BAZ1B: variants seen among roughly 807,000 people sequenced by gnomAD.
BAZ1B encodes the protein tyrosine-protein kinase BAZ1B.
Under a neutral mutation model 153.8 loss-of-function variants are expected in BAZ1B, and 22 were observed. That is an observed-to-expected ratio of 0.14 (90% CI 0.10 to 0.20). The LOEUF (loss-of-function observed/expected upper bound fraction) is 0.20, where lower values mean the gene tolerates loss of function less well. Among genes scored for constraint, BAZ1B ranks in the 10% least tolerant of loss-of-function variants. The pLI is 1.00. For missense variants in BAZ1B, 1,325 were observed against 1,799.3 expected, an observed-to-expected ratio of 0.74 and a Z score of 4.77; for synonymous variants, 676 against 633.4, an observed-to-expected ratio of 1.07 and a Z score of -1.01.
At chr7:73,509,240 T>TG (rs1790476762) in intron 2 of BAZ1B, among the ~76,000 whole-genome samples, 1 of 151,788 alleles carries the variant, frequency 6.6e-6, no homozygotes, top group Admixed American at 6.6e-5. Flanking sequence ...GAGAATCACT[T>TG]GAACACGGGA....
intron 1 of BAZ1B, among the ~76,000 whole-genome samples, chr7:73,512,026 CTCAAAAAAA>C (rs1554578656): frequency 3.6e-5 from 3 of 82,624 alleles, no homozygotes; most frequent in Non-Finnish European, 6.5e-5. Flanking sequence ...GAAACTCCAC[CTCAAAAAAA>C]AAAAAAAAAA....
intron 9 of BAZ1B, among the ~76,000 whole-genome samples, chr7:73,467,204 T>G (rs1410748651): frequency 1.3e-5 from 2 of 151,958 alleles, no homozygotes. Flanking sequence ...AGTGCTGGGA[T>G]TACAGGTGTG....
At chr7:73,485,200 T>C (rs1583922638) in intron 6 of BAZ1B, among the ~76,000 whole-genome samples, 1 of 152,136 alleles carries the variant, frequency 6.6e-6, no homozygotes, top group African/African-American at 2.4e-5. Context: ...TCCCAAAGTG[T>C]AGAATTACAC....
intron 5 of BAZ1B, among the ~76,000 whole-genome samples, chr7:73,489,806 G>A (rs138219507): frequency 7.2e-4 from 109 of 152,218 alleles, no homozygotes; most frequent in Non-Finnish European, 1.2e-3. Context: ...GACAGAAAAC[G>A]GAGAATAATT....
At chr7:73,458,930 T>C (rs1788294012) in intron 13 of BAZ1B, among the ~76,000 whole-genome samples, 1 of 152,014 alleles carries the variant, frequency 6.6e-6, no homozygotes, top group African/African-American at 2.4e-5. Context: ...TGTTTAAAAG[T>C]CACCACCACC....
intron 7 of BAZ1B, among the ~76,000 whole-genome samples, chr7:73,473,079 T>C (rs1164912099): frequency 1.3e-5 from 2 of 152,100 alleles, no homozygotes; most frequent in African/African-American, 2.4e-5. Context: ...GTAGCTGGGA[T>C]TACAGGCATG....
chr7:73,492,703 T>C, intron 5 of BAZ1B, 97 bp downstream of exon 5: 1 of 1,270,238 alleles, frequency 7.9e-7, no homozygotes, highest in Non-Finnish European at 1.1e-6. Context: ...TACATTCATT[T>C]ACATTTTTCT....
Position 73,462,413 on chromosome 7 carries a change from G to A in BAZ1B, c.3249+509C>T, listed in dbSNP as rs868960607. 7.6e-5 allele frequency: 12 copies of A among 158,876 alleles called. 1 individual carries two copies. In the Middle Eastern group the frequency reaches 0.01, roughly 134 times the overall value. The allele number at this position is 158,876 out of a possible 1,614,324, so 9.8% of individuals were successfully genotyped here. ...TTTGATACCTAAACCTACCTGTTACGGGGTATGGGATCTTTTGAAAAGTTT... is the reference window on the plus strand; with the variant it reads ...TTTGATACCTAAACCTACCTGTTACAGGGTATGGGATCTTTTGAAAAGTTT... On this transcript the variant is annotated intron_variant, in intron 12 of 19. Coordinates refer to ENST00000339594, the MANE Select transcript of BAZ1B (RefSeq NM_032408.4).
At chr7:73,519,570 T>A (rs1372659860) in intron 1 of BAZ1B, among the ~76,000 whole-genome samples, 3 of 152,252 alleles carry the variant, frequency 2.0e-5, no homozygotes, top group East Asian at 3.8e-4. Context: ...ATTAAATACA[T>A]ACCACTTAAA....
intron 13 of BAZ1B, among the ~76,000 whole-genome samples, chr7:73,455,164 C>T (rs548111503): frequency 1.3e-5 from 2 of 152,098 alleles, no homozygotes; most frequent in South Asian, 2.1e-4. Context: ...GGATTACAGG[C>T]GTGAGCCACC....
rs1554580290 is a variant in BAZ1B at position 73,521,871 on chromosome 7, C to T, written c.63G>A (p.Pro21=). The T allele has an allele frequency of 6.6e-7, 1 of 1,507,380 alleles. No homozygotes were observed. Among genetic ancestry groups the T allele is most frequent in the Non-Finnish European group, 8.9e-7 (1 of 1,124,132 alleles). The allele number at this position is 1,507,380 out of a possible 1,614,324, so 93.4% of individuals were successfully genotyped here. A position where few individuals can be genotyped will look rare whatever the true frequency, so the allele number is the denominator to read the frequency against. ...CCTGAGTGTGCGGGATGGTGAAGAG[C>T]GGCTCCTCTCCGGGCAACGGCTTCA... ...PLVKPLPGEE[P]LFTIPHTQEA... The change falls in exon 1 of 20, where the codon CCG becomes CCA. Residue 21 remains proline (P), a synonymous_variant. Coordinates refer to ENST00000339594, the MANE Select transcript of BAZ1B (RefSeq NM_032408.4).
intron 16 of BAZ1B, among the ~76,000 whole-genome samples, chr7:73,446,287 T>C (rs1787832462): frequency 6.6e-6 from 1 of 152,044 alleles, no homozygotes; most frequent in African/African-American, 2.4e-5. Flanking sequence ...TACGAACCTG[T>C]AAAGAAAAGT....
At chr7:73,496,831 G>A (rs559993578) in intron 4 of BAZ1B, among the ~76,000 whole-genome samples, 5 of 151,888 alleles carry the variant, frequency 3.3e-5, no homozygotes, top group East Asian at 1.9e-4. Context: ...TCCTCCTCTC[G>A]CAGTCAAAAA....
chr7:73,516,172 C>CT (rs1292408596), intron 1 of BAZ1B, among the ~76,000 whole-genome samples: 1 of 142,558 alleles, frequency 7.0e-6, no homozygotes, highest in African/African-American at 2.4e-5. Flanking sequence ...ATGTGGTTTT[C>CT]TTTTTTATTA....
chr7:73,475,434 C>T (rs538252126), intron 7 of BAZ1B, among the ~76,000 whole-genome samples: 1 of 152,262 alleles, frequency 6.6e-6, no homozygotes, highest in South Asian at 2.1e-4. Flanking sequence ...CATGGATGAA[C>T]CTGGAGAACA....
chr7:73,445,066 T>C (rs1167107900), intron 16 of BAZ1B, among the ~76,000 whole-genome samples: 2 of 151,992 alleles, frequency 1.3e-5, no homozygotes, highest in Non-Finnish European at 2.9e-5. Flanking sequence ...CTGAGACTAC[T>C]TGTGTCTCAG....
intron 3 of BAZ1B, among the ~76,000 whole-genome samples, chr7:73,505,802 TG>T (rs1432118592): frequency 6.6e-6 from 1 of 152,194 alleles, no homozygotes; most frequent in Non-Finnish European, 1.5e-5. Flanking sequence ...CTGCCCACCT[TG>T]GTCTCCCAAA....
chr7:73,506,430 C>T (rs1052610365), intron 3 of BAZ1B, among the ~76,000 whole-genome samples: 1 of 150,380 alleles, frequency 6.6e-6, no homozygotes, highest in Non-Finnish European at 1.5e-5. Flanking sequence ...ACCCAGGAGG[C>T]GAATCTTGCA....
In BAZ1B at chr7:73,462,923, C is replaced by T. The variant is rs376984596; in HGVS notation, c.3248G>A (p.Arg1083Gln). The change falls in exon 12 of 20, where the codon CGG (arginine) becomes CAG (glutamine). Residue 1083 changes from arginine (R) to glutamine (Q), a missense_variant and splice_region_variant. By Grantham distance (43) the Arg-to-Gln change is conservative (BLOSUM62 1). Transcript: ENST00000339594. ...YVEETSEFEA[R>Q]VISLEKLKDF... ...AGGGGGATTTTCTTATATTCCTACC[C>T]GGGCTTCAAATTCTGATGTTTCTTC... 44 of 1,613,814 alleles carry T rather than the reference C, an allele frequency of 2.7e-5. No individual in the cohort carries two copies. The Middle Eastern group carries it at 6.6e-4, about 24-fold the overall frequency.
Sources: gnomAD v4.1 joint callset for allele counts (sites outside exome capture counted in the v4.1 genomes callset) on GRCh38, gnomAD v4.1.1 for gene constraint, MANE v1.5 for transcripts, NCBI Gene and HGNC (gene_info 2026-07-23, HGNC 2026-07-21) for gene names.